MAPK8: variants seen among roughly 807,000 people sequenced by gnomAD.
MAPK8 encodes mitogen-activated protein kinase 8, also known as JUN N-terminal kinase.
Under a neutral mutation model 52.9 loss-of-function variants are expected in MAPK8, and 13 were observed. The ratio of observed to expected loss-of-function variants is 0.25; its 90% CI spans 0.16 to 0.39. The LOEUF (loss-of-function observed/expected upper bound fraction) is 0.39, where lower values mean the gene tolerates loss of function less well. Ranked by LOEUF, MAPK8 falls within the 10% of genes least tolerant of loss-of-function variation. The pLI is 1.00. For missense variants in MAPK8, 300 were observed against 519.2 expected (o/e 0.58, Z 4.10); for synonymous variants, 191 against 169.8 (o/e 1.12, Z -0.97).
Position 48,374,940 on chromosome 10 carries a change from C to G in MAPK8, c.-49-26672C>G, listed in dbSNP as rs1018277054. 1.1e-4 allele frequency among the ~76,000 whole-genome samples: 17 copies of G among 151,818 alleles called. 1 individual carries two copies. The highest frequency in any genetic ancestry group is 2.9e-5 in the Non-Finnish European group (2 of 67,856). On this transcript the variant is annotated intron_variant, in intron 1 of 11. Transcript: ENST00000374189. ...ACCTGGCAGAGACACAATAAAAAAA[C>G]AAAATTTCAGGCCAATATCCCTGAT... is the stretch of plus-strand genomic sequence containing the variant.
At position 48,415,318 on chromosome 10, in the gene MAPK8, G is replaced by C. The variant is rs73309927; in HGVS notation, c.451-4837G>C. On this transcript the variant is annotated intron_variant, in intron 5 of 11. Transcript: ENST00000374189. ...TGGAAGTTCATTTGATTTTAGTAAA[G>C]CACACCCCTCCAAATAGAAAGGTTC... 3.5e-3 allele frequency among the ~76,000 whole-genome samples: 530 copies of C among 152,152 alleles called. 5 individuals are homozygous for C. The highest frequency in any genetic ancestry group is 0.012 in the African/African-American group (517 of 41,512).
chr10:48,345,289 T>A (rs1845663086), intron 1 of MAPK8, among the ~76,000 whole-genome samples: 1 of 152,224 alleles, frequency 6.6e-6, no homozygotes, highest in African/African-American at 2.4e-5. Flanking sequence ...TCTTTATTGT[T>A]AACCCTCTCT....
chr10:48,366,365 C>A (rs955068363), intron 1 of MAPK8, among the ~76,000 whole-genome samples: 24 of 152,116 alleles, frequency 1.6e-4, no homozygotes, highest in Admixed American at 7.2e-4. Flanking sequence ...CTACCACTTA[C>A]AACTGGTGAG....
chr10:48,366,288 TAAC>T (rs1347670939), intron 1 of MAPK8, among the ~76,000 whole-genome samples: 1 of 152,110 alleles, frequency 6.6e-6, no homozygotes, highest in Non-Finnish European at 1.5e-5. Context: ...CCTTTAAACT[TAAC>T]AAAGTTTATT....
intron 1 of MAPK8, among the ~76,000 whole-genome samples, chr10:48,355,508 C>CAA (rs67368546): frequency 0.56 from 63,331 of 112,810 alleles, 16,037 homozygotes; most frequent in Middle Eastern, 0.67. Context: ...GATTCCGTCT[C>CAA]AAAAAAAAAA....
At chr10:48,346,406 T>G (rs1456528507) in intron 1 of MAPK8, among the ~76,000 whole-genome samples, 1 of 152,242 alleles carries the variant, frequency 6.6e-6, no homozygotes, top group East Asian at 1.9e-4. Context: ...CCTTCTGTTA[T>G]GCCCGGACAG....
At chr10:48,318,055 A>G (rs1842671767) in intron 1 of MAPK8, among the ~76,000 whole-genome samples, 1 of 151,934 alleles carries the variant, frequency 6.6e-6, no homozygotes, top group African/African-American at 2.4e-5. Context: ...CCAGAGAAAC[A>G]GCAAATCGGA....
chr10:48,383,053 G>A (rs1158280310), intron 1 of MAPK8, among the ~76,000 whole-genome samples: 1 of 151,482 alleles, frequency 6.6e-6, no homozygotes, highest in Non-Finnish European at 1.5e-5. Flanking sequence ...TTTCTTAACA[G>A]ATTTTAGCTG....
intron 1 of MAPK8, among the ~76,000 whole-genome samples, chr10:48,355,091 A>G (rs1846740120): frequency 1.3e-5 from 2 of 152,266 alleles, no homozygotes; most frequent in Non-Finnish European, 2.9e-5. Context: ...AGTGTTTCAT[A>G]TGTTTCAACA....
At chr10:48,325,988 A>G (rs1211638759) in intron 1 of MAPK8, 3 of 152,180 alleles carry the variant, frequency 2.0e-5, no homozygotes, top group Non-Finnish European at 4.4e-5. Context: ...AACATAATTT[A>G]TGACTTGATT....
intron 5 of MAPK8, 43 bp downstream of exon 5, chr10:48,410,211 G>A: frequency 6.9e-7 from 1 of 1,441,576 alleles, no homozygotes; most frequent in Non-Finnish European, 9.1e-7. Context: ...TTTTCTCATT[G>A]AGGTGAAATT....
chr10:48,373,823 A>G (rs2040482650), intron 1 of MAPK8, among the ~76,000 whole-genome samples: 2 of 152,244 alleles, frequency 1.3e-5, no homozygotes, highest in Admixed American at 1.3e-4. Context: ...CCCACTGTCA[A>G]TATTAGATAG....
intron 1 of MAPK8, among the ~76,000 whole-genome samples, chr10:48,334,856 G>A (rs1471408792): frequency 6.6e-6 from 1 of 152,162 alleles, no homozygotes. Flanking sequence ...GGCAGTTACA[G>A]CAGGTAATTT....
chr10:48,424,262 C>A, intron 7 of MAPK8, 103 bp downstream of exon 7: 2 of 1,101,512 alleles, frequency 1.8e-6, no homozygotes, highest in South Asian at 1.5e-5. Context: ...GGTTTTTAAA[C>A]AGGCATAAAG....
chr10:48,413,815 T>A (rs1489980561), intron 5 of MAPK8, among the ~76,000 whole-genome samples: 4 of 48,414 alleles, frequency 8.3e-5, no homozygotes, highest in East Asian at 1.2e-3. Flanking sequence ...GCCAGAATTG[T>A]TATATATATA....
At chr10:48,395,653 A>G (rs555133379) in intron 1 of MAPK8, among the ~76,000 whole-genome samples, 7 of 152,200 alleles carry the variant, frequency 4.6e-5, no homozygotes, top group African/African-American at 1.7e-4. Context: ...TCTAAAATGT[A>G]TATAGAATTA....
chr10:48,419,686 A>G (rs1421193631), intron 5 of MAPK8, among the ~76,000 whole-genome samples: 1 of 152,230 alleles, frequency 6.6e-6, no homozygotes, highest in Non-Finnish European at 1.5e-5. Flanking sequence ...CTAAAAGATC[A>G]AATAACATTT....
chr10:48,422,138 TTC>T (rs2043405033), intron 6 of MAPK8, among the ~76,000 whole-genome samples: 1 of 152,084 alleles, frequency 6.6e-6, no homozygotes, highest in African/African-American at 2.4e-5. Context: ...CTTCAAGCCA[TTC>T]TCCTGCTTCA....
chr10:48,336,364 A>T (rs1394972567), intron 1 of MAPK8, among the ~76,000 whole-genome samples: 1 of 152,232 alleles, frequency 6.6e-6, no homozygotes, highest in African/African-American at 2.4e-5. Flanking sequence ...TTATTAAGGA[A>T]ATTAAATTTG....
Sources: allele counts gnomAD v4.1 joint callset (sites outside exome capture counted in the v4.1 genomes callset), GRCh38; gene constraint gnomAD v4.1.1; transcripts MANE v1.5; gene names NCBI Gene and HGNC (gene_info 2026-07-23, HGNC 2026-07-21).